DPYS: variants seen among roughly 807,000 people sequenced by gnomAD.
DPYS encodes dihydropyrimidine amidohydrolase.
Under a neutral mutation model 50.3 loss-of-function variants are expected in DPYS, and 39 were observed. The ratio of observed to expected loss-of-function variants is 0.78; its 90% CI spans 0.60 to 1.01. DPYS has a LOEUF of 1.01. Among genes scored for constraint, DPYS ranks in the 50% least tolerant of loss-of-function variants. The probability of loss-of-function intolerance (pLI) is 0.00; values close to 1 mark genes in which losing one functional copy is unlikely to be tolerated. For synonymous variants in DPYS, 245 were observed against 250.7 expected (o/e 0.98, Z 0.22); for missense variants, 659 against 680.9 (o/e 0.97, Z 0.36).
At position 104,400,389 on chromosome 8, in the gene DPYS, T is replaced by A. The variant is rs117898326; in HGVS notation, c.1236-7398A>T. On this transcript the variant is annotated intron_variant, in intron 7 of 9. Transcript: ENST00000351513. ...AACAGATGCAGATGTGGGGAGATGT[T>A]ATCACTACATTTGTAGGCAAAAGCA... is the stretch of plus-strand genomic sequence containing the variant. Among the ~76,000 whole-genome samples, 316 of 152,366 alleles carry A rather than the reference T, an allele frequency of 2.1e-3. 4 individuals carry two copies. The highest frequency in any genetic ancestry group is 4.9e-4 in the Non-Finnish European group (33 of 68,038).
chr8:104,413,383 A>G (rs1028656928), intron 7 of DPYS, among the ~76,000 whole-genome samples: 13 of 151,874 alleles, frequency 8.6e-5, no homozygotes, highest in South Asian at 2.1e-4. Context: ...TATATATAGT[A>G]AATAGAAAGA....
intron 7 of DPYS, among the ~76,000 whole-genome samples, chr8:104,423,597 G>A (rs1215798427): frequency 6.6e-6 from 1 of 152,136 alleles, no homozygotes; most frequent in Admixed American, 6.5e-5. Context: ...TCTCCACTAC[G>A]ACTGCAAAAT....
chr8:104,412,113 C>T (rs1812202558), intron 7 of DPYS, among the ~76,000 whole-genome samples: 1 of 152,178 alleles, frequency 6.6e-6, no homozygotes, highest in Non-Finnish European at 1.5e-5. Context: ...TACATGAAAT[C>T]TTTTAAACTT....
At chr8:104,462,707 T>G (rs3133278) in intron 1 of DPYS, among the ~76,000 whole-genome samples, 1 of 152,036 alleles carries the variant, frequency 6.6e-6, no homozygotes, top group African/African-American at 2.4e-5. Context: ...ACTCTTATAC[T>G]TCATTCTCTT....
intron 7 of DPYS, among the ~76,000 whole-genome samples, chr8:104,418,361 A>C (rs949949447): frequency 6.6e-6 from 1 of 152,236 alleles, no homozygotes; most frequent in African/African-American, 2.4e-5. Flanking sequence ...AAAATCCTGC[A>C]CATTACCAGC....
Position 104,379,793 on chromosome 8 carries a change from A to G in DPYS, c.*65T>C, listed in dbSNP as rs151260693. 151 of 456,604 alleles carry G rather than the reference A, an allele frequency of 3.3e-4. No homozygotes were observed. The East Asian group carries it at 8.2e-3, about 25-fold the overall frequency. The allele number at this position is 456,604 out of a possible 1,614,324, so 28.3% of individuals were successfully genotyped here. A position where few individuals can be genotyped will look rare whatever the true frequency, so the allele number is the denominator to read the frequency against. On this transcript the variant is annotated 3_prime_UTR_variant, in exon 10 of 10. Coordinates refer to ENST00000351513, the MANE Select transcript of DPYS (RefSeq NM_001385.3). The stretch of plus-strand genomic sequence containing the variant: ...AAGGCCTGCTTCTCCATGGGTTGAC[A>G]ATGTTTGGCTGTGAAGGGAATGGCA...
intron 8 of DPYS, among the ~76,000 whole-genome samples, chr8:104,385,707 C>T (rs368570060): frequency 6.6e-5 from 10 of 152,224 alleles, no homozygotes; most frequent in African/African-American, 2.4e-4. Flanking sequence ...AGGGCTCTGC[C>T]TTTATGAATG....
At chr8:104,382,891 G>A (rs934179493) in intron 8 of DPYS, among the ~76,000 whole-genome samples, 2 of 152,062 alleles carry the variant, frequency 1.3e-5, no homozygotes, top group Admixed American at 6.5e-5. Flanking sequence ...CTTTTGTGCC[G>A]CCTACTGTGT....
At chr8:104,433,308 C>T (rs1813016223) in intron 4 of DPYS, among the ~76,000 whole-genome samples, 1 of 152,120 alleles carries the variant, frequency 6.6e-6, no homozygotes, top group Non-Finnish European at 1.5e-5. Context: ...TCCTGATAGC[C>T]ACACGATTCT....
chr8:104,432,740 G>A (rs544907506), intron 4 of DPYS, among the ~76,000 whole-genome samples: 93 of 152,262 alleles, frequency 6.1e-4, no homozygotes, highest in Non-Finnish European at 1.2e-3. Flanking sequence ...TTCTTAGTCT[G>A]TTTTTCTCAT....
At chr8:104,462,340 C>T (rs981743798) in intron 1 of DPYS, among the ~76,000 whole-genome samples, 4 of 152,136 alleles carry the variant, frequency 2.6e-5, no homozygotes, top group African/African-American at 9.7e-5. Flanking sequence ...TTTTGAAGCA[C>T]AGCTCTTCCA....
At chr8:104,436,046 T>C (rs990622041) in intron 4 of DPYS, among the ~76,000 whole-genome samples, 3 of 152,140 alleles carry the variant, frequency 2.0e-5, no homozygotes, top group African/African-American at 7.2e-5. Flanking sequence ...CCCTTACCTC[T>C]GCTGGGAAAT....
At chr8:104,464,674 T>G (rs1201618144) in intron 1 of DPYS, among the ~76,000 whole-genome samples, 1 of 152,172 alleles carries the variant, frequency 6.6e-6, no homozygotes, top group Non-Finnish European at 1.5e-5. Flanking sequence ...CACAGACACA[T>G]GCACAATATG....
intron 8 of DPYS, among the ~76,000 whole-genome samples, chr8:104,389,139 T>A (rs1001140759): frequency 6.6e-6 from 1 of 152,146 alleles, no homozygotes; most frequent in African/African-American, 2.4e-5. Context: ...GATGTGACTC[T>A]GTACTCTGTG....
At chr8:104,437,023 T>C (rs1015237277) in intron 4 of DPYS, among the ~76,000 whole-genome samples, 4 of 152,014 alleles carry the variant, frequency 2.6e-5, no homozygotes, top group Non-Finnish European at 5.9e-5. Context: ...CAGGAAAAAG[T>C]AAACAAAAAT....
intron 7 of DPYS, among the ~76,000 whole-genome samples, chr8:104,394,493 A>G (rs1811512624): frequency 6.6e-6 from 1 of 151,706 alleles, no homozygotes; most frequent in Non-Finnish European, 1.5e-5. Context: ...CCTTCTCCCA[A>G]AATAAACCCC....
intron 1 of DPYS, among the ~76,000 whole-genome samples, chr8:104,463,584 G>A (rs1814245446): frequency 6.6e-6 from 1 of 152,208 alleles, no homozygotes; most frequent in South Asian, 2.1e-4. Context: ...CCTTAGGCAG[G>A]TAGCTTAAGC....
chr8:104,434,206 C>T (rs1813050612), intron 4 of DPYS, among the ~76,000 whole-genome samples: 1 of 152,082 alleles, frequency 6.6e-6, no homozygotes, highest in Admixed American at 6.6e-5. Context: ...AAGTTATTAT[C>T]GATAGAAAGA....
At chr8:104,390,371 A>G (rs1811348814) in intron 8 of DPYS, among the ~76,000 whole-genome samples, 2 of 152,208 alleles carry the variant, frequency 1.3e-5, no homozygotes, top group African/African-American at 2.4e-5. Flanking sequence ...AATTTACAGC[A>G]TCTATTATTA....
Sources: allele counts gnomAD v4.1 joint callset (sites outside exome capture counted in the v4.1 genomes callset), GRCh38; gene constraint gnomAD v4.1.1; transcripts MANE v1.5; gene names NCBI Gene and HGNC (gene_info 2026-07-23, HGNC 2026-07-21).